Variants in C11orf65 observed in about 807,000 individuals in gnomAD.
C11orf65 encodes protein MFI.
Under a neutral mutation model 35.3 loss-of-function variants are expected in C11orf65, and 38 were observed. That is an observed-to-expected ratio of 1.08 (90% CI 0.83 to 1.41). The LOEUF is 1.41. C11orf65 is among the 40% of genes most tolerant of loss of function. The probability of loss-of-function intolerance (pLI) is 0.00; values close to 1 mark genes in which losing one functional copy is unlikely to be tolerated. For synonymous variants in C11orf65, 105 were observed against 114.4 expected (o/e 0.92, Z 0.53); for missense variants, 370 against 367.1 (o/e 1.01, Z -0.06).
intron 2 of C11orf65, among the ~76,000 whole-genome samples, chr11:108,354,438 G>A (rs1224772428): frequency 6.6e-6 from 1 of 152,168 alleles, no homozygotes; most frequent in Non-Finnish European, 1.5e-5. Context: ...AAAAAGCTTT[G>A]CAGTTCCTTG....
chr11:108,330,033 G>A (rs1021304287), downstream of C11orf65, among the ~76,000 whole-genome samples: 24 of 152,228 alleles, frequency 1.6e-4, no homozygotes, highest in African/African-American at 5.3e-4. Context: ...GCTTAGGAAG[G>A]TGTGTGAATT....
intron 6 of C11orf65, among the ~76,000 whole-genome samples, chr11:108,402,858 A>G (rs1459290495): frequency 6.6e-6 from 1 of 151,984 alleles, no homozygotes; most frequent in Non-Finnish European, 1.5e-5. Flanking sequence ...TGATAGATTT[A>G]TTTCATTCGG....
intron 1 of C11orf65, chr11:108,462,621 TC>T (rs1400606355): frequency 2.0e-5 from 3 of 152,032 alleles, no homozygotes; most frequent in Non-Finnish European, 4.4e-5. Context: ...ATTGCGCAGG[TC>T]CCTAACCTAA....
intron 3 of C11orf65, among the ~76,000 whole-genome samples, chr11:108,334,700 C>A (rs2086638177): frequency 6.6e-6 from 1 of 152,104 alleles, no homozygotes; most frequent in South Asian, 2.1e-4. Context: ...CCAGAAAACT[C>A]CTTCTACTGT....
chr11:108,330,508 T>A (rs1383130641), downstream of C11orf65: 1 of 1,341,690 alleles, frequency 7.5e-7, no homozygotes, highest in Non-Finnish European at 1.1e-6. Context: ...GTATACCTCT[T>A]TGTATTCCTA....
chr11:108,446,314 C>A (rs1387178716), intron 2 of C11orf65, among the ~76,000 whole-genome samples: 39 of 151,194 alleles, frequency 2.6e-4, no homozygotes, highest in African/African-American at 9.3e-4. Context: ...AAGAGCAACT[C>A]CAAGACACAT....
At chr11:108,329,410 T>A, downstream of C11orf65, 1 of 666,330 alleles carries the variant, frequency 1.5e-6, no homozygotes, top group Non-Finnish European at 2.5e-6. Context: ...GTTTTTGTTT[T>A]TTGTTTTTTT....
intron 7 of C11orf65, among the ~76,000 whole-genome samples, chr11:108,391,689 T>C (rs759339283): frequency 6.7e-6 from 1 of 149,144 alleles, no homozygotes; most frequent in Non-Finnish European, 1.5e-5. Context: ...CACAATGAAT[T>C]TTCAATTATT....
At position 108,366,134 on chromosome 11, in the gene C11orf65, CAGTT is replaced by C. The variant is rs941339869; in HGVS notation, c.226+27070_226+27073del. 3.1e-5 allele frequency: 6 copies of C among 191,544 alleles called. No homozygotes were observed. The East Asian group carries it at 3.4e-4, about 11-fold the overall frequency. 11.9% of individuals were successfully genotyped at this position (191,544 alleles called of 1,614,324 possible). A position where few individuals can be genotyped will look rare whatever the true frequency, so the allele number is the denominator to read the frequency against. ...TTATGGAGAACAAATTTCAAAGACA[CAGTT>C]AGTGTAGTTACTATTTTTTTAAGTG... On this transcript the variant is annotated intron_variant, in intron 2 of 3. Coordinates refer to the C11orf65 transcript ENST00000524755.
chr11:108,438,748 G>T (rs2093105641), intron 2 of C11orf65, among the ~76,000 whole-genome samples: 1 of 150,822 alleles, frequency 6.6e-6, no homozygotes. Context: ...GCTCACGCTT[G>T]TAATCCTAGC....
rs1450394308 is a variant in C11orf65 at position 108,332,850 on chromosome 11, CTTATA to C, written c.300-1288_300-1284del. ...AGAAGTGTTGAGGCACTTTGTGATGCTTATATTATATTAGCAAACTTAGATGCCAC... is the reference window on the plus strand; with the variant it reads ...AGAAGTGTTGAGGCACTTTGTGATGCTTATATTAGCAAACTTAGATGCCAC... On this transcript the variant is annotated intron_variant, in intron 3 of 3. Transcript: ENST00000524755. 13 of 1,612,976 alleles carry C rather than the reference CTTATA, an allele frequency of 8.1e-6. No individual in the cohort carries two copies. The highest frequency in any genetic ancestry group is 4.5e-5 in the East Asian group (2 of 44,770).
In C11orf65 at chr11:108,347,414, A is replaced by G. The variant is rs373699888; in HGVS notation, c.227-12122T>C. 2.8e-5 allele frequency: 40 copies of G among 1,421,276 alleles called. No homozygotes were observed. In the African/African-American group the frequency reaches 5.5e-4, roughly 20 times the overall value. The allele number at this position is 1,421,276 out of a possible 1,614,324, so 88.0% of individuals were successfully genotyped here. A position where few individuals can be genotyped will look rare whatever the true frequency, so the allele number is the denominator to read the frequency against. On this transcript the variant is annotated intron_variant, in intron 2 of 3. Transcript: ENST00000524755. ...TATTCTTTTTAGTAAATATTTGGTC[A>G]TCATGGAATGTTGTTTGCCTACCAA...
upstream of C11orf65, among the ~76,000 whole-genome samples, chr11:108,468,734 C>T (rs550933707): frequency 6.6e-6 from 1 of 152,146 alleles, no homozygotes; most frequent in African/African-American, 2.4e-5. Context: ...TAGTTATGAA[C>T]AATAAACTGT....
chr11:108,452,993 C>A (rs1168732516), intron 2 of C11orf65, among the ~76,000 whole-genome samples: 2 of 105,756 alleles, frequency 1.9e-5, no homozygotes, highest in Non-Finnish European at 3.6e-5. Flanking sequence ...CACACCAGGG[C>A]CTGTCGTGGG....
At chr11:108,347,589 C>G (rs143336321) in intron 2 of C11orf65, among the ~76,000 whole-genome samples, 1 of 152,166 alleles carries the variant, frequency 6.6e-6, no homozygotes, top group East Asian at 1.9e-4. Flanking sequence ...TGAGCCTGGT[C>G]TTCAAGAAAG....
intron 2 of C11orf65, among the ~76,000 whole-genome samples, chr11:108,356,952 C>T (rs546363283): frequency 2.6e-5 from 4 of 152,260 alleles, no homozygotes; most frequent in African/African-American, 4.8e-5. Context: ...CCAAGATGGC[C>T]GAATAGGAAC....
intron 2 of C11orf65, chr11:108,343,455 C>G: frequency 6.6e-7 from 1 of 1,520,538 alleles, no homozygotes; most frequent in Non-Finnish European, 9.0e-7. Context: ...TTATAGAATA[C>G]AAAAAAACTT....
chr11:108,412,880 G>C (rs999721129), intron 3 of C11orf65, among the ~76,000 whole-genome samples: 1 of 152,316 alleles, frequency 6.6e-6, no homozygotes, highest in Non-Finnish European at 1.5e-5. Flanking sequence ...ATTACATGAT[G>C]ATAATGTATG....
downstream of C11orf65, chr11:108,328,970 A>T: frequency 2.0e-6 from 3 of 1,507,078 alleles, no homozygotes; most frequent in Non-Finnish European, 2.8e-6. Context: ...GATTCTTTAG[A>T]TGTATTTAGT....
Sources: allele counts gnomAD v4.1 joint callset (sites outside exome capture counted in the v4.1 genomes callset), GRCh38; gene constraint gnomAD v4.1.1; transcripts MANE v1.5; gene names NCBI Gene and HGNC (gene_info 2026-07-23, HGNC 2026-07-21).